The following ZNF461 variants were observed in gnomAD, a reference collection of about 807,000 sequenced individuals.
ZNF461 encodes zinc finger protein 461.
ZNF461 carries 16 observed loss-of-function variants against 18.3 expected under a neutral mutation model. The ratio of observed to expected loss-of-function variants is 0.88; its 90% CI spans 0.59 to 1.33. ZNF461 has a LOEUF of 1.33. Among genes scored for constraint, ZNF461 ranks in the 40% most tolerant of loss-of-function variants. The pLI is 0.00. For synonymous variants in ZNF461, 179 were observed against 216.9 expected (o/e 0.83, Z 1.54); for missense variants, 595 against 669.9 (o/e 0.89, Z 1.23).
intron 2 of ZNF461, among the ~76,000 whole-genome samples, chr19:36,660,486 T>A (rs1479551325): frequency 6.6e-6 from 1 of 152,072 alleles, no homozygotes; most frequent in African/African-American, 2.4e-5. Flanking sequence ...TTCATCAGTC[T>A]ATACCATGTA....
At chr19:36,655,499 T>C (rs1301432270) in intron 4 of ZNF461, among the ~76,000 whole-genome samples, 1 of 152,156 alleles carries the variant, frequency 6.6e-6, no homozygotes, top group African/African-American at 2.4e-5. Context: ...CTCAGGAAAC[T>C]TAGGTGAGAG....
chr19:36,653,999 G>C (rs1490974091), intron 4 of ZNF461, among the ~76,000 whole-genome samples: 1 of 152,114 alleles, frequency 6.6e-6, no homozygotes, highest in African/African-American at 2.4e-5. Flanking sequence ...TAAGTTCTAT[G>C]AATTGCAGCA....
chr19:36,656,582 A>C (rs1205615965), intron 3 of ZNF461, 39 bp from the exon 4 acceptor site: 1 of 1,470,916 alleles, frequency 6.8e-7, no homozygotes, highest in South Asian at 1.1e-5. Context: ...GATGGAAATG[A>C]ATGTATCCAA....
Position 36,639,176 on chromosome 19 carries a change from C to T in ZNF461, c.1169G>A (p.Cys390Tyr). The T allele has an allele frequency of 6.2e-7, 1 of 1,614,110 alleles. No homozygotes were observed. ...TGAGTGATAGCTAAAGGCCTTCCCA[C>T]ATTCCCGACATTCATAGGGTTTCTC... ...TGEKPYECRE[C>Y]GKAFSYHSSF... Residue 390 changes from cysteine to tyrosine, a missense_variant, in exon 6 of 6, where the codon TGT becomes TAT. By Grantham distance (194) the Cys-to-Tyr change is radical. Transcript: ENST00000588268.
At position 36,638,378 on chromosome 19, in the gene ZNF461, C is replaced by T. The variant is rs922200799; in HGVS notation, c.*275G>A. The T allele has an allele frequency of 1.1e-5, 3 of 265,648 alleles. No homozygotes were observed. In the Admixed American group the frequency reaches 1.4e-4, roughly 13 times the overall value. 16.5% of individuals were successfully genotyped at this position (265,648 alleles called of 1,614,324 possible). A position where few individuals can be genotyped will look rare whatever the true frequency, so the allele number is the denominator to read the frequency against. ...AGGAAATTGTTTTCATTTTATTTCA[C>T]TGTTTCAGTGAAATATTTCACTGGT... On this transcript the variant is annotated 3_prime_UTR_variant, in exon 6 of 6. Transcript: ENST00000588268.
intron 1 of ZNF461, among the ~76,000 whole-genome samples, 178 bp from the exon 2 acceptor site, chr19:36,664,964 A>G (rs1005933204): frequency 2.6e-5 from 4 of 152,172 alleles, no homozygotes; most frequent in African/African-American, 9.7e-5. Flanking sequence ...CAAAACCATG[A>G]GGAAACTCAG....
intron 5 of ZNF461, among the ~76,000 whole-genome samples, chr19:36,640,299 C>G (rs2037402113): frequency 6.6e-6 from 1 of 152,090 alleles, no homozygotes. Flanking sequence ...TATGGATGTT[C>G]AGGAAACATT....
chr19:36,637,545 T>G lies in ZNF461; in HGVS notation c.*1108A>C, dbSNP rs114641629. 1,532 of 170,276 alleles carry G rather than the reference T, an allele frequency of 9.0e-3. 32 individuals are homozygous for G. The highest frequency in any genetic ancestry group is 0.035 in the African/African-American group (1,440 of 41,616). The allele number at this position is 170,276 out of a possible 1,614,324, so 10.5% of individuals were successfully genotyped here. Reference sequence around the variant, plus strand: ...ACATCAAATAAGAATAAATATAGCTTATTGGCCGGGCATAGTGGCTGCGCA... The same window carrying G: ...ACATCAAATAAGAATAAATATAGCTGATTGGCCGGGCATAGTGGCTGCGCA... On this transcript the variant is annotated 3_prime_UTR_variant, in exon 6 of 6. Transcript: ENST00000588268.
intron 4 of ZNF461, among the ~76,000 whole-genome samples, chr19:36,652,358 G>A (rs2037641807): frequency 6.6e-6 from 1 of 151,410 alleles, no homozygotes; most frequent in Non-Finnish European, 1.5e-5. Context: ...AAAATTAGCT[G>A]GGTGTGGTGG....
At position 36,643,865 on chromosome 19, in the gene ZNF461, A is replaced by C; in HGVS notation, c.233-3T>G. 1 of 1,509,192 alleles carries C rather than the reference A, an allele frequency of 6.6e-7. No individual in the cohort carries two copies. The highest frequency in any genetic ancestry group is 8.9e-7 in the Non-Finnish European group (1 of 1,118,828). 93.5% of individuals were successfully genotyped at this position (1,509,192 alleles called of 1,614,324 possible). ...AAATCCCCAAGTTTTCCATGTACCTACATGGAAACAAAAGAATAAATACTT... is the reference window on the plus strand; with the variant it reads ...AAATCCCCAAGTTTTCCATGTACCTCCATGGAAACAAAAGAATAAATACTT... On this transcript the variant is annotated splice_region_variant and splice_polypyrimidine_tract_variant and intron_variant, in intron 4 of 5. Coordinates refer to ENST00000588268, the MANE Select transcript of ZNF461 (RefSeq NM_153257.5).
Position 36,643,849 on chromosome 19 carries a change from A to C in ZNF461, c.246T>G (p.Thr82=), listed in dbSNP as rs1472042646. 6.5e-7 allele frequency: 1 copy of C among 1,536,284 alleles called. No homozygotes were observed. The highest frequency in any genetic ancestry group is 1.4e-5 in the African/African-American group (1 of 72,630). The change falls in exon 5 of 6, where the codon ACT becomes ACG. Residue 82 remains threonine, a synonymous_variant. Transcript: ENST00000588268. ...TGRWCPGTWK[T]WGFHNNFLDN... ...CCAAGAAATTATTGTGAAATCCCCA[A>C]GTTTTCCATGTACCTACATGGAAAC... is the stretch of plus-strand genomic sequence containing the variant.
rs535858902 is a variant in ZNF461, at chr19:36,644,123, G to A, written c.233-261C>T. Among the ~76,000 whole-genome samples the A allele has an allele frequency of 7.2e-5, 11 of 152,036 alleles. No homozygotes were observed. In the South Asian group the frequency reaches 1.0e-3, roughly 14 times the overall value. Reference sequence around the variant, plus strand: ...AATTTTTTGTATTTTTAGTAGAAACGGGGTTTCACCACTTAGCCAGGCTGG... The same window carrying A: ...AATTTTTTGTATTTTTAGTAGAAACAGGGTTTCACCACTTAGCCAGGCTGG... On this transcript the variant is annotated intron_variant, in intron 4 of 5. Coordinates refer to ENST00000588268, the MANE Select transcript of ZNF461 (RefSeq NM_153257.5).
intron 5 of ZNF461, 58 bp from the exon 6 acceptor site, chr19:36,640,101 A>T: frequency 7.1e-7 from 1 of 1,411,050 alleles, no homozygotes; most frequent in Non-Finnish European, 9.6e-7. Context: ...GAAATAAAAT[A>T]TCTATGGTAG....
chr19:36,651,032 C>T (rs1600429713), intron 4 of ZNF461, among the ~76,000 whole-genome samples: 1 of 151,402 alleles, frequency 6.6e-6, no homozygotes, highest in Non-Finnish European at 1.5e-5. Flanking sequence ...GAGATCAAGA[C>T]CATCCTGGCT....
In ZNF461 at chr19:36,637,935, TAAAC is replaced by T. The variant is rs1233973798; in HGVS notation, c.*714_*717del. ...GAATTTTTATAATGTGTGCTTTTATTAAACAAAAAATTTAGAAGATTTTAAAAAA... is the reference window on the plus strand; with the variant it reads ...GAATTTTTATAATGTGTGCTTTTATTAAAAAATTTAGAAGATTTTAAAAAA... On this transcript the variant is annotated 3_prime_UTR_variant, in exon 6 of 6. Transcript: ENST00000588268. 3.0e-6 allele frequency: 1 copy of T among 333,056 alleles called. No homozygotes were observed. Among genetic ancestry groups the T allele is most frequent in the East Asian group, 9.3e-5 (1 of 10,790 alleles). The allele number at this position is 333,056 out of a possible 1,614,324, so 20.6% of individuals were successfully genotyped here. A position where few individuals can be genotyped will look rare whatever the true frequency, so the allele number is the denominator to read the frequency against.
At chr19:36,645,847 C>T (rs906311872) in intron 4 of ZNF461, among the ~76,000 whole-genome samples, 3 of 152,078 alleles carry the variant, frequency 2.0e-5, no homozygotes, top group South Asian at 4.1e-4. Flanking sequence ...TGCAGTGGAG[C>T]GAACTCAGCT....
chr19:36,639,611 C>T lies in ZNF461; in HGVS notation c.734G>A (p.Cys245Tyr). 1.9e-6 allele frequency: 3 copies of T among 1,613,360 alleles called. No homozygotes were observed. The highest frequency in any genetic ancestry group is 2.5e-6 in the Non-Finnish European group (3 of 1,179,510). ...KQQTIQNGDK[C>Y]NECKECWKAF... ...CTTCCAACATTCTTTACACTCATTG[C>T]ATTTGTCACCATTTTGAATTGTCTG... is the stretch of plus-strand genomic sequence containing the variant. The change falls in exon 6 of 6, where the codon TGC becomes TAC. Residue 245 changes from cysteine (C) to tyrosine (Y), a missense_variant. Physicochemically the swap from Cys to Tyr is radical, Grantham distance 194. Transcript: ENST00000588268.
At chr19:36,656,231 C>T (rs1382714103) in intron 4 of ZNF461, among the ~76,000 whole-genome samples, 5 of 152,008 alleles carry the variant, frequency 3.3e-5, no homozygotes, top group Admixed American at 6.6e-5. Flanking sequence ...GTGATCTGCC[C>T]GCCTCGGCCT....
At chr19:36,660,194 A>C (rs1600444925) in intron 2 of ZNF461, among the ~76,000 whole-genome samples, 1 of 146,812 alleles carries the variant, frequency 6.8e-6, no homozygotes, top group Non-Finnish European at 1.5e-5. Flanking sequence ...CTGTTGCCCA[A>C]GCTGGAGTGC....
Sources: gnomAD v4.1 joint callset for allele counts (sites outside exome capture counted in the v4.1 genomes callset) on GRCh38, gnomAD v4.1.1 for gene constraint, MANE v1.5 for transcripts, NCBI Gene and HGNC (gene_info 2026-07-23, HGNC 2026-07-21) for gene names.